The following ISLR2 variants were observed in gnomAD, a reference collection of about 807,000 sequenced individuals.
ISLR2 encodes immunoglobulin superfamily containing leucine-rich repeat protein 2.
Under a neutral mutation model 25.5 loss-of-function variants are expected in ISLR2, and 16 were observed. That is an observed-to-expected ratio of 0.63 (90% CI 0.43 to 0.95). ISLR2 has a LOEUF of 0.95. Among genes scored for constraint, ISLR2 ranks in the 40% least tolerant of loss-of-function variants. The pLI is 0.00. For synonymous variants in ISLR2, 508 were observed against 486.6 expected, an observed-to-expected ratio of 1.04 and a Z score of -0.58; for missense variants, 883 against 1,030.7, an observed-to-expected ratio of 0.86 and a Z score of 1.96.
chr15:74,120,558 G>T (rs2072245063), intron 2 of ISLR2, among the ~76,000 whole-genome samples: 1 of 151,826 alleles, frequency 6.6e-6, no homozygotes, highest in Non-Finnish European at 1.5e-5. Context: ...CCAACCCACG[G>T]GGAGGCAGAG....
At chr15:74,118,296 A>T (rs1365311317) in intron 2 of ISLR2, among the ~76,000 whole-genome samples, 5 of 152,180 alleles carry the variant, frequency 3.3e-5, no homozygotes, top group Non-Finnish European at 5.9e-5. Context: ...GGTCACAGAG[A>T]TCACATGCTT....
chr15:74,128,509 C>T (rs1422703175), upstream of ISLR2: 1 of 456,650 alleles, frequency 2.2e-6, no homozygotes, highest in South Asian at 1.5e-5. Flanking sequence ...GGGGTCTTCC[C>T]TGGTCCTCGG....
chr15:74,134,737 C>T lies in ISLR2; in HGVS notation c.1983C>T (p.Gly661=), dbSNP rs370160529. The change falls in exon 3 of 3, where the codon GGC becomes GGT. Residue 661 remains glycine, a synonymous_variant. Transcript: ENST00000453268. The part of the protein sequence containing the change: ...YLESEKSYPA[G]GEAGGEEPED... ...AGTCCGAGAAAAGCTACCCGGCAGG[C>T]GGCGAGGCGGGCGGCGAGGAGCCAG... 3.7e-6 allele frequency: 6 copies of T among 1,613,910 alleles called. No homozygotes were observed. The highest frequency in any genetic ancestry group is 5.1e-6 in the Non-Finnish European group (6 of 1,179,934).
chr15:74,139,751 T>C (rs919700245), downstream of ISLR2, among the ~76,000 whole-genome samples: 1 of 152,214 alleles, frequency 6.6e-6, no homozygotes, highest in Non-Finnish European at 1.5e-5. Flanking sequence ...ATGCAACTTT[T>C]TTGAGCCTTT....
Position 74,111,977 on chromosome 15 carries a change from C to T in ISLR2, n.228+8063C>T, listed in dbSNP as rs1281117160. ...TGTGACATTGTTAGATATTGTTCTACACTAATACAAAATAGAACCTTTGGA... is the reference window on the plus strand; with the variant it reads ...TGTGACATTGTTAGATATTGTTCTATACTAATACAAAATAGAACCTTTGGA... On this transcript the variant is annotated intron_variant and non_coding_transcript_variant, in intron 2 of 3. Coordinates refer to the ISLR2 transcript ENST00000561975. 3.3e-5 allele frequency among the ~76,000 whole-genome samples: 5 copies of T among 152,140 alleles called. No individual in the cohort carries two copies. The East Asian group carries it at 9.6e-4, about 29-fold the overall frequency.
chr15:74,110,726 G>T (rs1222918765), intron 2 of ISLR2, among the ~76,000 whole-genome samples: 1 of 151,680 alleles, frequency 6.6e-6, no homozygotes, highest in African/African-American at 2.4e-5. Flanking sequence ...GGATCCTGAG[G>T]TAGGCAGATC....
At chr15:74,123,015 A>T (rs2072265019) in intron 2 of ISLR2, among the ~76,000 whole-genome samples, 1 of 152,200 alleles carries the variant, frequency 6.6e-6, no homozygotes, top group Non-Finnish European at 1.5e-5. Context: ...AAGGGGTGGC[A>T]GCCTTGTTCT....
chr15:74,112,213 G>A (rs988614804), intron 2 of ISLR2, among the ~76,000 whole-genome samples: 2 of 152,196 alleles, frequency 1.3e-5, no homozygotes, highest in African/African-American at 4.8e-5. Context: ...AATTGCCCCT[G>A]GCCAGGCCGT....
At chr15:74,110,790 C>A (rs1464047922) in intron 2 of ISLR2, among the ~76,000 whole-genome samples, 1 of 152,074 alleles carries the variant, frequency 6.6e-6, no homozygotes, top group African/African-American at 2.4e-5. Context: ...TACCGCATCT[C>A]TACTAAAAAT....
chr15:74,110,728 A>T (rs561323197), intron 2 of ISLR2, among the ~76,000 whole-genome samples: 3 of 150,852 alleles, frequency 2.0e-5, no homozygotes, highest in Admixed American at 2.0e-4. Flanking sequence ...ATCCTGAGGT[A>T]GGCAGATCAC....
At chr15:74,138,266 C>T (rs1015835261), downstream of ISLR2, 3 of 148,392 alleles carry the variant, frequency 2.0e-5, no homozygotes, top group Non-Finnish European at 4.5e-5. Flanking sequence ...GTTTCACCAT[C>T]AGCTTTTTCT....
intron 2 of ISLR2, among the ~76,000 whole-genome samples, chr15:74,116,298 C>T (rs1046628235): frequency 6.6e-6 from 1 of 150,740 alleles, no homozygotes; most frequent in East Asian, 2.0e-4. Flanking sequence ...TGGTGGCTCA[C>T]GCCTGTAATC....
chr15:74,113,853 G>T (rs150173250), intron 2 of ISLR2, among the ~76,000 whole-genome samples: 1 of 152,290 alleles, frequency 6.6e-6, no homozygotes, highest in East Asian at 1.9e-4. Flanking sequence ...CACTGAAATC[G>T]CTGTTTAGCT....
At chr15:74,128,692 C>G, upstream of ISLR2, 1 of 455,804 alleles carries the variant, frequency 2.2e-6, no homozygotes, top group South Asian at 1.5e-5. Flanking sequence ...GCCTCCCCGC[C>G]TGGCGCCCCT....
intron 2 of ISLR2, among the ~76,000 whole-genome samples, chr15:74,108,018 C>T (rs1386628970): frequency 6.6e-5 from 10 of 152,172 alleles, no homozygotes; most frequent in Admixed American, 6.5e-4. Context: ...GATCTCCTGC[C>T]CTCTTAGGAG....
Position 74,136,363 on chromosome 15 carries a change from CTG to C in ISLR2, c.*1374_*1375del, listed in dbSNP as rs1435691160. On this transcript the variant is annotated 3_prime_UTR_variant, in exon 3 of 3. Coordinates refer to ENST00000453268, the MANE Select transcript of ISLR2 (RefSeq NM_020851.3). The stretch of plus-strand genomic sequence containing the variant: ...TAGTTCGCACAAAGCCTGCTCGTGA[CTG>C]TGCGACTGTGCGACGGGATCCGGAT... The C allele has an allele frequency of 1.2e-5, 2 of 164,952 alleles. No individual in the cohort carries two copies. Among genetic ancestry groups the C allele is most frequent in the African/African-American group, 4.8e-5 (2 of 41,468 alleles). The allele number at this position is 164,952 out of a possible 1,614,324, so 10.2% of individuals were successfully genotyped here. A position where few individuals can be genotyped will look rare whatever the true frequency, so the allele number is the denominator to read the frequency against.
At position 74,136,266 on chromosome 15, in the gene ISLR2, C is replaced by A; in HGVS notation, c.*1274C>A. On this transcript the variant is annotated 3_prime_UTR_variant, in exon 3 of 3. Coordinates refer to ENST00000453268, the MANE Select transcript of ISLR2 (RefSeq NM_020851.3). ...CGGCTCCACCCGACCCAGACCCTAG[C>A]TGGAAAGCGCCGGAGGCGGAGGAAG... is the stretch of plus-strand genomic sequence containing the variant. 1 of 166,542 alleles carries A rather than the reference C, an allele frequency of 6.0e-6. No individual in the cohort carries two copies. 10.3% of individuals were successfully genotyped at this position (166,542 alleles called of 1,614,324 possible). A position where few individuals can be genotyped will look rare whatever the true frequency, so the allele number is the denominator to read the frequency against.
At chr15:74,107,993 G>A (rs1318722346) in intron 2 of ISLR2, among the ~76,000 whole-genome samples, 1 of 152,132 alleles carries the variant, frequency 6.6e-6, no homozygotes, top group Non-Finnish European at 1.5e-5. Context: ...AGGAGAGCCC[G>A]GGTCACCTCT....
chr15:74,126,896 T>TTGTGTGTGTGTG (rs56301942), upstream of ISLR2: 11 of 122,308 alleles, frequency 9.0e-5, no homozygotes, highest in Non-Finnish European at 1.5e-4. Context: ...GAGAGAACAT[T>TTGTGTGTGTGTG]TGTGTGTGTG....
Sources: allele counts gnomAD v4.1 joint callset (sites outside exome capture counted in the v4.1 genomes callset), GRCh38; gene constraint gnomAD v4.1.1; transcripts MANE v1.5; gene names NCBI Gene and HGNC (gene_info 2026-07-23, HGNC 2026-07-21).